Variants in GNAO1 observed in about 807,000 individuals in gnomAD.
GNAO1 encodes guanine nucleotide-binding protein G(o) subunit alpha.
For synonymous variants in GNAO1, 164 were observed against 180.7 expected (o/e 0.91, Z 0.74); for missense variants, 166 against 478.7 (o/e 0.35, Z 6.10).
intron 4 of GNAO1, among the ~76,000 whole-genome samples, chr16:56,331,306 C>T (rs1005906033): frequency 3.9e-5 from 6 of 152,222 alleles, no homozygotes; most frequent in Non-Finnish European, 7.3e-5. Context: ...ACCCTGGGCA[C>T]ATCCAACCAG....
chr16:56,319,506 G>T (rs1218253870), intron 3 of GNAO1, among the ~76,000 whole-genome samples: 1 of 152,142 alleles, frequency 6.6e-6, no homozygotes, highest in East Asian at 1.9e-4. Context: ...TCTATCTCCA[G>T]GGACCAGCTG....
intron 2 of GNAO1, chr16:56,194,021 G>A (rs113938077): frequency 0.013 from 5,479 of 427,044 alleles, 81 homozygotes; most frequent in African/African-American, 0.035. Context: ...GCATGCTTGC[G>A]GTTTCAGAAC....
At chr16:56,328,924 G>T in intron 4 of GNAO1, 133 bp downstream of exon 4, 1 of 823,204 alleles carries the variant, frequency 1.2e-6, no homozygotes, top group Non-Finnish European at 1.9e-6. Flanking sequence ...TTCTCCCATA[G>T]GTAGAGGGTG....
chr16:56,341,127 A>T, intron 6 of GNAO1: 1 of 712,876 alleles, frequency 1.4e-6, no homozygotes, highest in Non-Finnish European at 2.4e-6. Flanking sequence ...CCCTGCCCCC[A>T]GATTGTGCTC....
chr16:56,314,483 C>T (rs2037488736), intron 3 of GNAO1, among the ~76,000 whole-genome samples: 1 of 152,200 alleles, frequency 6.6e-6, no homozygotes, highest in Admixed American at 6.5e-5. Context: ...GCTTACTTCC[C>T]ATGTCATCAT....
chr16:56,292,593 C>G (rs576272574), intron 3 of GNAO1, among the ~76,000 whole-genome samples: 5 of 152,186 alleles, frequency 3.3e-5, no homozygotes, highest in South Asian at 2.1e-4. Flanking sequence ...AACTCGTGAG[C>G]TCAAGTGATC....
chr16:56,297,812 T>C (rs1472002617), intron 3 of GNAO1, among the ~76,000 whole-genome samples: 1 of 152,034 alleles, frequency 6.6e-6, no homozygotes, highest in Non-Finnish European at 1.5e-5. Flanking sequence ...TGGAAAAATG[T>C]GTGCAGCTGG....
At chr16:56,332,857 C>T (rs923965158) in intron 4 of GNAO1, among the ~76,000 whole-genome samples, 11 of 152,258 alleles carry the variant, frequency 7.2e-5, no homozygotes, top group African/African-American at 9.6e-5. Context: ...CAGCAGAGGG[C>T]GTCCTCACAG....
intron 3 of GNAO1, among the ~76,000 whole-genome samples, chr16:56,290,795 C>T (rs1308376726): frequency 6.6e-6 from 1 of 152,154 alleles, no homozygotes; most frequent in Non-Finnish European, 1.5e-5. Flanking sequence ...GTTAGCATTC[C>T]CTCCCTACCC....
chr16:56,265,045 A>G (rs925282991), intron 2 of GNAO1, among the ~76,000 whole-genome samples: 3 of 152,144 alleles, frequency 2.0e-5, no homozygotes, highest in African/African-American at 7.2e-5. Flanking sequence ...CCCAGCCTCT[A>G]TCTTGTCCCA....
At chr16:56,227,534 G>A (rs2143386739) in intron 2 of GNAO1, among the ~76,000 whole-genome samples, 1 of 151,916 alleles carries the variant, frequency 6.6e-6, no homozygotes, top group East Asian at 1.9e-4. Context: ...TAAGAGCTGT[G>A]GTCTTTGGCC....
chr16:56,237,017 A>G (rs1298677717), intron 2 of GNAO1, among the ~76,000 whole-genome samples: 1 of 152,232 alleles, frequency 6.6e-6, no homozygotes, highest in Non-Finnish European at 1.5e-5. Flanking sequence ...GTAGAATTAT[A>G]ATAGAACTTA....
intron 6 of GNAO1, chr16:56,346,539 C>G (rs2037872308): frequency 2.0e-6 from 2 of 985,350 alleles, no homozygotes; most frequent in African/African-American, 3.5e-5. Flanking sequence ...GGCCTTCCCT[C>G]TGAGCACTGA....
chr16:56,242,883 A>G (rs1380324187), intron 2 of GNAO1, among the ~76,000 whole-genome samples: 1 of 152,166 alleles, frequency 6.6e-6, no homozygotes, highest in Non-Finnish European at 1.5e-5. Context: ...ACCAGGCCAT[A>G]CAGCAGGAAG....
intron 6 of GNAO1, among the ~76,000 whole-genome samples, chr16:56,348,741 G>A (rs1294477071): frequency 5.9e-5 from 9 of 152,190 alleles, no homozygotes; most frequent in African/African-American, 2.2e-4. Context: ...CTGGGGGGCT[G>A]GCAGGGGTCT....
intron 3 of GNAO1, among the ~76,000 whole-genome samples, chr16:56,320,667 A>G (rs1362757853): frequency 6.6e-6 from 1 of 152,204 alleles, no homozygotes; most frequent in Admixed American, 6.5e-5. Flanking sequence ...GGGTTCCAGC[A>G]GGTGCGGAAT....
intron 2 of GNAO1, among the ~76,000 whole-genome samples, chr16:56,208,927 G>C (rs2036358437): frequency 6.6e-6 from 1 of 151,594 alleles, no homozygotes; most frequent in South Asian, 2.1e-4. Flanking sequence ...CCATTCCCTG[G>C]CTTGTCTTTT....
At chr16:56,327,979 A>G (rs1157369691) in intron 3 of GNAO1, among the ~76,000 whole-genome samples, 2 of 152,164 alleles carry the variant, frequency 1.3e-5, no homozygotes, top group African/African-American at 2.4e-5. Flanking sequence ...TCCAAGGGCC[A>G]AAGTTCTTGA....
At chr16:56,206,810 C>G (rs2036334764) in intron 2 of GNAO1, among the ~76,000 whole-genome samples, 1 of 152,216 alleles carries the variant, frequency 6.6e-6, no homozygotes, top group Non-Finnish European at 1.5e-5. Flanking sequence ...AGTCTGGAAA[C>G]AGGGACGGTT....
Sources: gnomAD v4.1 joint callset for allele counts (sites outside exome capture counted in the v4.1 genomes callset) on GRCh38, gnomAD v4.1.1 for gene constraint, MANE v1.5 for transcripts, NCBI Gene and HGNC (gene_info 2026-07-23, HGNC 2026-07-21) for gene names.